The following CACNA1S variants were observed in gnomAD, a reference collection of about 807,000 sequenced individuals.
The protein encoded by CACNA1S is voltage-dependent L-type calcium channel subunit alpha-1S.
Under a neutral mutation model 207.4 loss-of-function variants are expected in CACNA1S, and 126 were observed. The observed-to-expected ratio is 0.61, with a 90% CI of 0.53 to 0.70. CACNA1S has a LOEUF of 0.70. Ranked by LOEUF, CACNA1S falls within the 30% of genes least tolerant of loss-of-function variation. The probability of loss-of-function intolerance (pLI) is 0.00; values close to 1 mark genes in which losing one functional copy is unlikely to be tolerated. For missense variants in CACNA1S, 2,349 were observed against 2,422.8 expected (o/e 0.97, Z 0.64); for synonymous variants, 960 against 932.7 (o/e 1.03, Z -0.53).
At position 201,053,272 on chromosome 1, in the gene CACNA1S, G is replaced by A; in HGVS notation, c.3798C>T (p.Ala1266=). 1.2e-6 allele frequency: 2 copies of A among 1,614,198 alleles called. No individual in the cohort carries two copies. Among genetic ancestry groups the A allele is most frequent in the Non-Finnish European group, 1.7e-6 (2 of 1,180,024 alleles). Reference sequence around the variant, plus strand: ...CGATGAGCAGAGCCACGTAGGGTAGGGCCTGCAGGGCGGGCGGGAGCGCCA... The same window carrying A: ...CGATGAGCAGAGCCACGTAGGGTAGAGCCTGCAGGGCGGGCGGGAGCGCCA... ...LLWTFIKSFQ[A]LPYVALLIVM... is the part of the protein sequence containing the mutation. The change falls in exon 31 of 44, where the codon GCC becomes GCT. Residue 1266 remains alanine, a splice_region_variant and synonymous_variant. Transcript: ENST00000362061. The surrounding 1 kb of genome is among the most constrained non-coding windows in gnomAD (Gnocchi z 5.1).
chr1:201,110,111 C>T, intron 2 of CACNA1S, 53 bp downstream of exon 2: 1 of 1,539,812 alleles, frequency 6.5e-7, no homozygotes, highest in Non-Finnish European at 9.0e-7. Flanking sequence ...GGGGGCCTCC[C>T]CAAGCCTGGG....
intron 32 of CACNA1S, 87 bp downstream of exon 32, chr1:201,052,470 G>GGT: frequency 9.4e-7 from 1 of 1,061,606 alleles, no homozygotes. Context: ...CACCCATGAA[G>GGT]CCAGCCCTGG....
At chr1:201,087,405 C>T (rs1415863629) in intron 7 of CACNA1S, among the ~76,000 whole-genome samples, 1 of 152,156 alleles carries the variant, frequency 6.6e-6, no homozygotes, top group Non-Finnish European at 1.5e-5. Context: ...GCCCCACCGC[C>T]TCTTAGTGCT....
intron 2 of CACNA1S, among the ~76,000 whole-genome samples, chr1:201,104,910 G>A (rs1176280678): frequency 2.6e-5 from 4 of 152,216 alleles, no homozygotes; most frequent in Non-Finnish European, 4.4e-5. Context: ...ACCTCTCTGC[G>A]CTGTGGTTTA....
At chr1:201,045,656 A>AC (rs1359863550) in intron 38 of CACNA1S, among the ~76,000 whole-genome samples, 3 of 148,610 alleles carry the variant, frequency 2.0e-5, no homozygotes, top group African/African-American at 7.5e-5. Flanking sequence ...AATGGCTTGA[A>AC]CCCGGGAGGC....
intron 22 of CACNA1S, 70 bp from the exon 23 acceptor site, chr1:201,062,584 T>TG (rs1345471687): frequency 1.4e-6 from 2 of 1,433,194 alleles, no homozygotes; most frequent in Non-Finnish European, 2.0e-6. Flanking sequence ...AAGTGGGCTC[T>TG]GGGAGTGAAC....
chr1:201,048,480 C>A, intron 36 of CACNA1S, 102 bp downstream of exon 36: 1 of 1,022,274 alleles, frequency 9.8e-7, no homozygotes, highest in South Asian at 1.3e-5. Context: ...CTTCTTCCCA[C>A]AGTTCTTAAG....
At chr1:201,099,924 T>A (rs1468023151) in intron 2 of CACNA1S, among the ~76,000 whole-genome samples, 1 of 151,928 alleles carries the variant, frequency 6.6e-6, no homozygotes, top group Admixed American at 6.6e-5. Flanking sequence ...GCTCACAGTT[T>A]GAAGGTGTGG....
intron 33 of CACNA1S, 93 bp downstream of exon 33, chr1:201,050,891 A>T: frequency 3.1e-6 from 4 of 1,291,982 alleles, no homozygotes; most frequent in Non-Finnish European, 4.5e-6. Flanking sequence ...ATCCCAGGAG[A>T]GGTGGAAACT....
rs3753961 is a variant in CACNA1S at position 201,092,376 on chromosome 1, G to C, written c.399-262C>G. On this transcript the variant is annotated intron_variant, in intron 3 of 43. Transcript: ENST00000362061. Reference sequence around the variant, plus strand: ...GTGAGGTCTACTTTGGGTGCTGAACGGGGGTGAGGTATGTGTGCCACAGGG... The same window carrying C: ...GTGAGGTCTACTTTGGGTGCTGAACCGGGGTGAGGTATGTGTGCCACAGGG... Among the ~76,000 whole-genome samples the C allele has an allele frequency of 7.2e-5, 11 of 152,264 alleles. No homozygotes were observed. In the South Asian group the frequency reaches 2.3e-3, roughly 32 times the overall value.
chr1:201,102,631 G>A (rs752975219), intron 2 of CACNA1S, among the ~76,000 whole-genome samples: 64 of 152,212 alleles, frequency 4.2e-4, no homozygotes, highest in Non-Finnish European at 7.5e-4. Flanking sequence ...AGCTTCGGAC[G>A]ACAGCCGACT....
rs1260201852 is a variant in CACNA1S at position 201,053,945 on chromosome 1, AG to A, written c.3667-359del. On this transcript the variant is annotated intron_variant, in intron 29 of 43. Coordinates refer to ENST00000362061, the MANE Select transcript of CACNA1S (RefSeq NM_000069.3). This position sits in a 1 kb window ranked among gnomAD's most constrained non-coding sequence, Gnocchi z 5.1. Reference sequence around the variant, plus strand: ...ATCTCCTCAAGCTGCCACTGAGTCGAGGACCCTGGTGGCCCTCCTAGGGCTC... The same window carrying A: ...ATCTCCTCAAGCTGCCACTGAGTCGAGACCCTGGTGGCCCTCCTAGGGCTC... 2.5e-4 allele frequency among the ~76,000 whole-genome samples: 38 copies of A among 152,222 alleles called. No homozygotes were observed. Among genetic ancestry groups the A allele is most frequent in the African/African-American group, 9.1e-4 (38 of 41,554 alleles).
At chr1:201,110,315 A>T (rs781627624) in intron 1 of CACNA1S, 46 bp from the exon 2 acceptor site, 12 of 1,558,792 alleles carry the variant, frequency 7.7e-6, no homozygotes, top group Non-Finnish European at 1.1e-5. Context: ...CAAGGGACTT[A>T]CAGGGTTAAG....
At chr1:201,096,557 G>A (rs1006945977) in intron 2 of CACNA1S, among the ~76,000 whole-genome samples, 2 of 152,196 alleles carry the variant, frequency 1.3e-5, no homozygotes, top group East Asian at 3.8e-4. Flanking sequence ...AATTTCCTGT[G>A]ACACCCCCAA....
intron 23 of CACNA1S, 23 bp from the exon 24 acceptor site, chr1:201,062,113 C>T (rs1421520980): frequency 6.2e-7 from 1 of 1,611,188 alleles, no homozygotes; most frequent in Non-Finnish European, 8.5e-7. Context: ...GGCCCAGTCA[C>T]TCCACAGGGC....
chr1:201,075,632 T>C lies in CACNA1S; in HGVS notation c.1828-17A>G, dbSNP rs747598626. On this transcript the variant is annotated splice_polypyrimidine_tract_variant and intron_variant, in intron 12 of 43. Coordinates refer to ENST00000362061, the MANE Select transcript of CACNA1S (RefSeq NM_000069.3). The stretch of plus-strand genomic sequence containing the variant: ...TGTCAGTACCTGTATGGAGGGAGGA[T>C]AGAGGGCTCGGGAACACAGAGGGGC... The C allele has an allele frequency of 1.9e-6, 3 of 1,613,532 alleles. No individual in the cohort carries two copies. Among genetic ancestry groups the C allele is most frequent in the African/African-American group, 1.3e-5 (1 of 74,916 alleles).
At chr1:201,090,037 C>A (rs1361729514) in intron 5 of CACNA1S, among the ~76,000 whole-genome samples, 1 of 152,242 alleles carries the variant, frequency 6.6e-6, no homozygotes, top group Non-Finnish European at 1.5e-5. Flanking sequence ...TGATGACATC[C>A]TGCATCTCCT....
At chr1:201,050,551 A>T (rs201371458) in intron 33 of CACNA1S, 35 bp from the exon 34 acceptor site, 1 of 1,613,260 alleles carries the variant, frequency 6.2e-7, no homozygotes, top group Non-Finnish European at 8.5e-7. Context: ...CCAACACAGA[A>T]AGGCAGGTGG....
At chr1:201,094,166 C>A in intron 2 of CACNA1S, 145 bp from the exon 3 acceptor site, 1 of 847,782 alleles carries the variant, frequency 1.2e-6, no homozygotes, top group Non-Finnish European at 1.9e-6. Flanking sequence ...AATGCCTACC[C>A]CCCCACTCCA....
Sources: gnomAD v4.1 joint callset for allele counts (sites outside exome capture counted in the v4.1 genomes callset) on GRCh38, gnomAD v4.1.1 for gene constraint, Gnocchi (gnomAD v3.1) non-coding constraint, MANE v1.5 for transcripts, NCBI Gene and HGNC (gene_info 2026-07-23, HGNC 2026-07-21) for gene names.